The following LMBRD1 variants were observed in gnomAD, a reference collection of about 807,000 sequenced individuals.
The protein encoded by LMBRD1 is LMBR1 domain containing 1.
In LMBRD1, 64 loss-of-function variants were observed where a neutral mutation model predicts 74.8. The observed-to-expected ratio is 0.86, with a 90% confidence interval of 0.70 to 1.05. The LOEUF is 1.05. LMBRD1 is among the 50% of genes least tolerant of loss of function. The probability of loss-of-function intolerance (pLI) is 0.00; values close to 1 mark genes in which losing one functional copy is unlikely to be tolerated. For synonymous variants in LMBRD1, 204 were observed against 216.3 expected (o/e 0.94, Z 0.50); for missense variants, 652 against 645.9 (o/e 1.01, Z -0.10).
chr6:69,751,095 T>G (rs1250747122), intron 4 of LMBRD1, among the ~76,000 whole-genome samples: 2 of 152,122 alleles, frequency 1.3e-5, no homozygotes, highest in Non-Finnish European at 2.9e-5. Context: ...TTAACATATA[T>G]TTTTTTCTTT....
In LMBRD1 at chr6:69,674,274, T is replaced by C. The variant is rs1421714880; in HGVS notation, c.*1884A>G. On this transcript the variant is annotated 3_prime_UTR_variant, in exon 16 of 16. Coordinates refer to ENST00000649934, the MANE Select transcript of LMBRD1 (RefSeq NM_018368.4). ...TTAATTACTTTTAAAAGGCCCTATCTCCACATAAAGTATTATTCTATGAAG... is the reference window on the plus strand; with the variant it reads ...TTAATTACTTTTAAAAGGCCCTATCCCCACATAAAGTATTATTCTATGAAG... Among the ~76,000 whole-genome samples the C allele has an allele frequency of 6.6e-6, 1 of 152,154 alleles. No homozygotes were observed. The highest frequency in any genetic ancestry group is 1.5e-5 in the Non-Finnish European group (1 of 68,032).
intron 5 of LMBRD1, among the ~76,000 whole-genome samples, chr6:69,743,425 T>C (rs1225102075): frequency 6.6e-6 from 1 of 152,204 alleles, no homozygotes; most frequent in East Asian, 1.9e-4. Context: ...AATTAACCCT[T>C]GCTCTTGATG....
intron 3 of LMBRD1, among the ~76,000 whole-genome samples, chr6:69,763,660 C>T (rs547518273): frequency 1.3e-5 from 2 of 152,246 alleles, no homozygotes; most frequent in Admixed American, 6.5e-5. Flanking sequence ...TGCCTTGAAG[C>T]CTTGTGGGTA....
intron 3 of LMBRD1, among the ~76,000 whole-genome samples, chr6:69,772,979 G>A (rs771520518): frequency 6.6e-6 from 1 of 152,072 alleles, no homozygotes; most frequent in Non-Finnish European, 1.5e-5. Context: ...CTAACCTTAC[G>A]AAGTAGGTAC....
At chr6:69,775,315 G>A (rs1167050166) in intron 3 of LMBRD1, among the ~76,000 whole-genome samples, 1 of 152,136 alleles carries the variant, frequency 6.6e-6, no homozygotes, top group Non-Finnish European at 1.5e-5. Context: ...GCAGCAGGCA[G>A]CCTGATTTCT....
chr6:69,766,023 C>T (rs1209929354), intron 3 of LMBRD1, among the ~76,000 whole-genome samples: 3 of 151,802 alleles, frequency 2.0e-5, no homozygotes, highest in African/African-American at 7.3e-5. Flanking sequence ...CCTATAGAAT[C>T]TTATATCACC....
At chr6:69,685,524 G>C (rs1765744706) in intron 14 of LMBRD1, among the ~76,000 whole-genome samples, 1 of 152,188 alleles carries the variant, frequency 6.6e-6, no homozygotes, top group Non-Finnish European at 1.5e-5. Context: ...CTTTGGGTCA[G>C]GCGTGGTGGC....
chr6:69,738,653 A>G (rs974624715), intron 6 of LMBRD1, among the ~76,000 whole-genome samples: 2 of 151,890 alleles, frequency 1.3e-5, no homozygotes, highest in African/African-American at 4.8e-5. Flanking sequence ...AACGCATTGG[A>G]TTTAGGAAAT....
At position 69,675,101 on chromosome 6, in the gene LMBRD1, G is replaced by A. The variant is rs556437768; in HGVS notation, c.*1057C>T. Reference sequence around the variant, plus strand: ...GCTGTGAAGGTTTATCAAGAGAGATGAAGAATCAGAACAGAGAAAAATGGC... The same window carrying A: ...GCTGTGAAGGTTTATCAAGAGAGATAAAGAATCAGAACAGAGAAAAATGGC... On this transcript the variant is annotated 3_prime_UTR_variant, in exon 16 of 16. Coordinates refer to ENST00000649934, the MANE Select transcript of LMBRD1 (RefSeq NM_018368.4). Among the ~76,000 whole-genome samples the A allele has an allele frequency of 2.6e-5, 4 of 152,246 alleles. No homozygotes were observed. Among genetic ancestry groups the A allele is most frequent in the African/African-American group, 4.8e-5 (2 of 41,568 alleles).
At chr6:69,680,745 A>G (rs2149834480) in intron 14 of LMBRD1, among the ~76,000 whole-genome samples, 1 of 152,234 alleles carries the variant, frequency 6.6e-6, no homozygotes, top group Admixed American at 6.6e-5. Context: ...ATATCATTTT[A>G]TTTCTATTAA....
chr6:69,680,862 C>T (rs903084980), intron 14 of LMBRD1, among the ~76,000 whole-genome samples: 3 of 152,066 alleles, frequency 2.0e-5, no homozygotes. Flanking sequence ...CCGTTCTTCA[C>T]CATCTGCCAT....
chr6:69,736,670 A>C (rs1766985130), intron 7 of LMBRD1, among the ~76,000 whole-genome samples: 1 of 152,214 alleles, frequency 6.6e-6, no homozygotes, highest in African/African-American at 2.4e-5. Context: ...AAGCACTTTT[A>C]CAAATAGTAT....
intron 3 of LMBRD1, 23 bp downstream of exon 3, chr6:69,780,471 G>A (rs765203339): frequency 5.1e-6 from 8 of 1,574,852 alleles, no homozygotes; most frequent in Middle Eastern, 3.3e-4. Flanking sequence ...TCCAAATAGG[G>A]AAAGAAACTG....
At chr6:69,784,702 A>G (rs1765909390) in intron 2 of LMBRD1, among the ~76,000 whole-genome samples, 1 of 152,146 alleles carries the variant, frequency 6.6e-6, no homozygotes, top group African/African-American at 2.4e-5. Context: ...TAAATCTAAA[A>G]CATATCTCCA....
chr6:69,742,224 A>G (rs1767121034), intron 5 of LMBRD1, among the ~76,000 whole-genome samples: 1 of 152,192 alleles, frequency 6.6e-6, no homozygotes, highest in African/African-American at 2.4e-5. Flanking sequence ...AAAAAGGTTA[A>G]GGACATCTGT....
At chr6:69,700,660 T>C in intron 12 of LMBRD1, 105 bp downstream of exon 12, 2 of 739,104 alleles carry the variant, frequency 2.7e-6, no homozygotes, top group Non-Finnish European at 2.0e-6. Flanking sequence ...CTCTCACTTG[T>C]GGTATAAAGA....
At chr6:69,789,539 A>T (rs1478078689) in intron 2 of LMBRD1, among the ~76,000 whole-genome samples, 3 of 151,588 alleles carry the variant, frequency 2.0e-5, no homozygotes, top group African/African-American at 4.8e-5. Flanking sequence ...CAAAATAAAA[A>T]ATATATATAT....
At chr6:69,695,960 C>T (rs1470411626) in intron 14 of LMBRD1, among the ~76,000 whole-genome samples, 1 of 152,036 alleles carries the variant, frequency 6.6e-6, no homozygotes, top group Non-Finnish European at 1.5e-5. Flanking sequence ...TCTCCTGCCT[C>T]AGCCTCCCAA....
Position 69,697,591 on chromosome 6 carries a change from T to C in LMBRD1, c.1389A>G (p.Pro463=), listed in dbSNP as rs751525924. 2.4e-5 allele frequency: 38 copies of C among 1,607,674 alleles called. No individual in the cohort carries two copies. In the East Asian group the frequency reaches 4.9e-4, roughly 21 times the overall value. Residue 463 remains proline (P), a synonymous_variant, in exon 14 of 16, where the codon CCA becomes CCG. Coordinates refer to ENST00000649934, the MANE Select transcript of LMBRD1 (RefSeq NM_018368.4). ...CAGGAGCATCTGCATCACATCTCTTTGGCACAGAAAGGGTTGAATTGCCTT... is the reference window on the plus strand; with the variant it reads ...CAGGAGCATCTGCATCACATCTCTTCGGCACAGAAAGGGTTGAATTGCCTT... ...NHKGNSTLSV[P]KRCDADAPED...
Sources: gnomAD v4.1 joint callset for allele counts (sites outside exome capture counted in the v4.1 genomes callset) on GRCh38, gnomAD v4.1.1 for gene constraint, MANE v1.5 for transcripts, NCBI Gene and HGNC (gene_info 2026-07-23, HGNC 2026-07-21) for gene names.